FRMD4B: variants seen among roughly 807,000 people sequenced by gnomAD.
The protein encoded by FRMD4B is FERM domain containing 4B.
A neutral mutation model predicts 141.5 loss-of-function variants in FRMD4B; 74 were observed. That is an observed-to-expected ratio of 0.52 (90% CI 0.43 to 0.63). The LOEUF is 0.63. Ranked by LOEUF, FRMD4B falls within the 30% of genes least tolerant of loss-of-function variation. FRMD4B has a pLI of 0.00. For synonymous variants in FRMD4B, 506 were observed against 467.9 expected (o/e 1.08, Z -1.05); for missense variants, 1,366 against 1,253.4 (o/e 1.09, Z -1.36).
intron 2 of FRMD4B, among the ~76,000 whole-genome samples, chr3:69,394,413 G>T (rs148465471): frequency 2.8e-4 from 43 of 152,362 alleles, no homozygotes; most frequent in African/African-American, 9.9e-4. Context: ...ATGGTTCTAG[G>T]ATGTGTTTTA....
At chr3:69,518,970 T>G (rs945375176) in intron 1 of FRMD4B, among the ~76,000 whole-genome samples, 1 of 152,212 alleles carries the variant, frequency 6.6e-6, no homozygotes, top group Non-Finnish European at 1.5e-5. Flanking sequence ...GTTTCTGTGT[T>G]GACACCTCAG....
Position 69,471,879 on chromosome 3 carries a change from T to C in FRMD4B, c.-128-39118A>G, listed in dbSNP as rs868341646. ...TTGGGCAGAAGTATTTCTCCACTTC[T>C]AGTAGTCTCAGGTACTAAGGTCCCG... On this transcript the variant is annotated intron_variant, in intron 1 of 5. Coordinates refer to the FRMD4B transcript ENST00000459638. The C allele has an allele frequency of 2.6e-5, 4 of 155,312 alleles. No homozygotes were observed. In the Middle Eastern group the frequency reaches 2.1e-3, roughly 81 times the overall value. 9.6% of individuals were successfully genotyped at this position (155,312 alleles called of 1,614,324 possible). A position where few individuals can be genotyped will look rare whatever the true frequency, so the allele number is the denominator to read the frequency against.
intron 7 of FRMD4B, among the ~76,000 whole-genome samples, chr3:69,243,140 G>A (rs146307991): frequency 1.9e-4 from 29 of 152,150 alleles, no homozygotes; most frequent in African/African-American, 5.5e-4. Flanking sequence ...TTATCTTTGC[G>A]GTTTAAGGGC....
intron 1 of FRMD4B, among the ~76,000 whole-genome samples, chr3:69,338,620 G>A (rs1702633957): frequency 1.3e-5 from 2 of 152,072 alleles, no homozygotes; most frequent in African/African-American, 4.8e-5. Context: ...CCTGTAAGTG[G>A]GAGCTAAACA....
intron 1 of FRMD4B, among the ~76,000 whole-genome samples, chr3:69,482,305 T>A (rs899257787): frequency 1.3e-5 from 2 of 152,186 alleles, no homozygotes; most frequent in African/African-American, 4.8e-5. Context: ...AGCTTCTCTG[T>A]GGCCCTAACT....
chr3:69,203,772 G>C (rs1402817868), intron 11 of FRMD4B, among the ~76,000 whole-genome samples: 1 of 152,144 alleles, frequency 6.6e-6, no homozygotes, highest in Non-Finnish European at 1.5e-5. Context: ...TCAAAATTCA[G>C]TAAGCAATAA....
intron 7 of FRMD4B, among the ~76,000 whole-genome samples, chr3:69,235,272 G>A (rs1355843090): frequency 6.6e-6 from 1 of 151,754 alleles, no homozygotes; most frequent in Non-Finnish European, 1.5e-5. Flanking sequence ...AAGCTTTTGG[G>A]TGGACAGCTC....
intron 1 of FRMD4B, among the ~76,000 whole-genome samples, chr3:69,357,129 A>G (rs917272418): frequency 6.6e-6 from 1 of 152,204 alleles, no homozygotes; most frequent in Admixed American, 6.5e-5. Context: ...GGACAAGGGC[A>G]TAGGTGCCAG....
At chr3:69,197,552 T>A (rs1452946865) in intron 12 of FRMD4B, among the ~76,000 whole-genome samples, 1 of 72,450 alleles carries the variant, frequency 1.4e-5, no homozygotes, top group Admixed American at 2.3e-4. Context: ...GTACACCAGA[T>A]GGAAAGAGGA....
At chr3:69,348,465 T>C (rs1198223964) in intron 1 of FRMD4B, among the ~76,000 whole-genome samples, 2 of 152,014 alleles carry the variant, frequency 1.3e-5, no homozygotes, top group African/African-American at 2.4e-5. Context: ...AAAGAGGGAA[T>C]CCTCCCTAAC....
intron 5 of FRMD4B, among the ~76,000 whole-genome samples, chr3:69,251,405 G>A (rs978291959): frequency 1.3e-5 from 2 of 152,160 alleles, no homozygotes; most frequent in African/African-American, 4.8e-5. Context: ...TTTCTGAAAG[G>A]ATTGTGCTTT....
chr3:69,376,586 A>T (rs1246198426), intron 1 of FRMD4B, among the ~76,000 whole-genome samples: 1 of 140,918 alleles, frequency 7.1e-6, no homozygotes, highest in Non-Finnish European at 1.5e-5. Flanking sequence ...ATGACTAAAA[A>T]GGACATTAGG....
At chr3:69,248,653 A>T (rs1378145635) in intron 7 of FRMD4B, among the ~76,000 whole-genome samples, 14 of 152,228 alleles carry the variant, frequency 9.2e-5, no homozygotes, top group Admixed American at 7.9e-4. Context: ...CGATTGCATT[A>T]AAAGGACAGA....
chr3:69,224,047 C>A (rs1034224245), intron 8 of FRMD4B, among the ~76,000 whole-genome samples: 2 of 151,922 alleles, frequency 1.3e-5, no homozygotes, highest in African/African-American at 4.8e-5. Flanking sequence ...AGGATTCAGA[C>A]TGAAACCAAG....
chr3:69,530,234 T>C (rs775265213), intron 1 of FRMD4B, among the ~76,000 whole-genome samples: 3 of 152,278 alleles, frequency 2.0e-5, no homozygotes, highest in Non-Finnish European at 2.9e-5. Context: ...CCAAATCTTA[T>C]ATTGAAATTT....
In FRMD4B at chr3:69,181,390, C is replaced by T; in HGVS notation, c.2360G>A (p.Ser787Asn). Residue 787 changes from serine to asparagine, a missense_variant, in exon 21 of 23, where the codon AGT becomes AAT. Physicochemically the swap from Ser to Asn is conservative, Grantham distance 46 (BLOSUM62 1). Transcript: ENST00000398540. The stretch of plus-strand genomic sequence containing the variant: ...CTTTGAGTAAACACCATTCCTCAAA[C>T]TATCCTTTTGTGCTAGGTTGGGCAT... ...GSMPNLAQKD[S>N]LRNGVYSKSQ... 6.2e-7 allele frequency: 1 copy of T among 1,613,916 alleles called. No individual in the cohort carries two copies. Among genetic ancestry groups the T allele is most frequent in the Non-Finnish European group, 8.5e-7 (1 of 1,179,838 alleles).
chr3:69,339,155 C>T (rs773216442), intron 1 of FRMD4B, among the ~76,000 whole-genome samples: 14 of 152,062 alleles, frequency 9.2e-5, no homozygotes, highest in Admixed American at 1.3e-4. Context: ...TACTCAGTTT[C>T]CTTTCATTTC....
Position 69,226,156 on chromosome 3 carries a change from C to G in FRMD4B, c.582-1466G>C, listed in dbSNP as rs12487622. 3.2e-3 allele frequency among the ~76,000 whole-genome samples: 490 copies of G among 152,270 alleles called. 4 individuals carry two copies. The highest frequency in any genetic ancestry group is 0.013 in the East Asian group (65 of 5,174). Reference sequence around the variant, plus strand: ...AAAGCCAGGGTTGTGGCCTTTCCTACAGGTGAAAGATCTAGCTTTCCAAAT... The same window carrying G: ...AAAGCCAGGGTTGTGGCCTTTCCTAGAGGTGAAAGATCTAGCTTTCCAAAT... On this transcript the variant is annotated intron_variant, in intron 7 of 22. Coordinates refer to ENST00000398540, the MANE Select transcript of FRMD4B (RefSeq NM_015123.3).
chr3:69,496,647 GAGAGAGAGA>G (rs1706402118), intron 1 of FRMD4B, among the ~76,000 whole-genome samples: 1 of 98,664 alleles, frequency 1.0e-5, no homozygotes, highest in South Asian at 3.5e-4. Context: ...AAGAGAGAGA[GAGAGAGAGA>G]GAGAGAGAGA....
Sources: gnomAD v4.1 joint callset for allele counts (sites outside exome capture counted in the v4.1 genomes callset) on GRCh38, gnomAD v4.1.1 for gene constraint, MANE v1.5 for transcripts, NCBI Gene and HGNC (gene_info 2026-07-23, HGNC 2026-07-21) for gene names.